ERBB4: variants seen among roughly 807,000 people sequenced by gnomAD.
ERBB4 encodes erb-b2 receptor tyrosine kinase 4, also known as receptor tyrosine-protein kinase erbB-4.
ERBB4 carries 42 observed loss-of-function variants against 158.0 expected under a neutral mutation model. The observed-to-expected ratio is 0.27, with a 90% CI of 0.21 to 0.34. ERBB4 has a LOEUF of 0.34. Ranked by LOEUF, ERBB4 falls within the 10% of genes least tolerant of loss-of-function variation. The pLI is 1.00. For synonymous variants in ERBB4, 583 were observed against 558.7 expected, an observed-to-expected ratio of 1.04 and a Z score of -0.61; for missense variants, 1,333 against 1,624.1, an observed-to-expected ratio of 0.82 and a Z score of 3.08.
intron 7 of ERBB4, among the ~76,000 whole-genome samples, chr2:211,715,814 C>T (rs1001018098): frequency 1.3e-5 from 2 of 152,176 alleles, no homozygotes; most frequent in African/African-American, 4.8e-5. Flanking sequence ...CATGAGCCAA[C>T]TGTACCTCTT....
chr2:211,763,609 G>A (rs569442535), intron 4 of ERBB4, among the ~76,000 whole-genome samples: 1 of 152,106 alleles, frequency 6.6e-6, no homozygotes, highest in East Asian at 1.9e-4. Context: ...AATTATGGCT[G>A]GGGCCATTAA....
intron 1 of ERBB4, among the ~76,000 whole-genome samples, chr2:212,256,325 G>A (rs1224235433): frequency 6.6e-6 from 1 of 151,636 alleles, no homozygotes; most frequent in African/African-American, 2.4e-5. Context: ...ATTATTTTTG[G>A]TTTGATGAGT....
chr2:212,411,789 A>T (rs1216538166), intron 1 of ERBB4, among the ~76,000 whole-genome samples: 2 of 152,142 alleles, frequency 1.3e-5, no homozygotes, highest in Admixed American at 1.3e-4. Context: ...GGGTGAATGC[A>T]GCAGTCTTAC....
chr2:212,065,663 T>C (rs1385441640), intron 2 of ERBB4, among the ~76,000 whole-genome samples: 3 of 152,144 alleles, frequency 2.0e-5, no homozygotes, highest in Non-Finnish European at 2.9e-5. Context: ...AAGTGGAAAC[T>C]GTGTGAAAAT....
At chr2:211,746,544 T>C (rs963092888) in intron 5 of ERBB4, among the ~76,000 whole-genome samples, 3 of 152,064 alleles carry the variant, frequency 2.0e-5, no homozygotes, top group Non-Finnish European at 4.4e-5. Context: ...AAAACTCCAT[T>C]CAGGCTGGGT....
intron 12 of ERBB4, among the ~76,000 whole-genome samples, chr2:211,687,066 T>A (rs2072585987): frequency 6.6e-6 from 1 of 150,730 alleles, no homozygotes; most frequent in African/African-American, 2.4e-5. Flanking sequence ...GAGGCCAAGG[T>A]GGGTGGATCA....
intron 21 of ERBB4, among the ~76,000 whole-genome samples, chr2:211,430,558 G>C (rs1455743480): frequency 2.0e-5 from 3 of 152,096 alleles, no homozygotes; most frequent in Non-Finnish European, 4.4e-5. Flanking sequence ...TTCTCTATAA[G>C]AGTTAGTGCT....
chr2:211,986,384 A>G (rs1298251456), intron 2 of ERBB4, among the ~76,000 whole-genome samples: 1 of 152,208 alleles, frequency 6.6e-6, no homozygotes, highest in African/African-American at 2.4e-5. Context: ...GAGAGGATAA[A>G]TGATTTACTC....
chr2:212,482,391 T>C (rs1689749165), intron 1 of ERBB4, among the ~76,000 whole-genome samples: 1 of 152,348 alleles, frequency 6.6e-6, no homozygotes, highest in Admixed American at 6.5e-5. Flanking sequence ...CAATCAGCCA[T>C]AACTTCCACA....
chr2:211,911,657 A>G (rs1575362306), intron 3 of ERBB4, among the ~76,000 whole-genome samples: 1 of 152,312 alleles, frequency 6.6e-6, no homozygotes, highest in East Asian at 1.9e-4. Context: ...TGTAAAATCA[A>G]CATAAGAAAT....
At chr2:211,652,109 G>A (rs748073667) in intron 16 of ERBB4, among the ~76,000 whole-genome samples, 2 of 152,088 alleles carry the variant, frequency 1.3e-5, no homozygotes, top group South Asian at 2.1e-4. Context: ...ACTTTGTGAC[G>A]CTAAATACTT....
At chr2:212,027,525 T>C (rs12478950) in intron 2 of ERBB4, among the ~76,000 whole-genome samples, 9,532 of 152,178 alleles carry the variant, frequency 0.063, 316 homozygotes, top group South Asian at 0.11. Context: ...TTGATCAATT[T>C]TGTAAATCAA....
Position 212,084,362 on chromosome 2 carries a change from G to A in ERBB4, c.234+40390C>T, listed in dbSNP as rs140829335. Among the ~76,000 whole-genome samples, 140 of 152,024 alleles carry A rather than the reference G, an allele frequency of 9.2e-4. 4 individuals carry two copies. The South Asian group carries it at 0.027, about 30-fold the overall frequency. On this transcript the variant is annotated intron_variant, in intron 2 of 27. Transcript: ENST00000342788. ...CAGACAGCCATGAGCAAGCTATAAC[G>A]CGCAACACCTAGTTATACGCTGAAA...
chr2:211,939,002 T>C (rs930516807), intron 3 of ERBB4, among the ~76,000 whole-genome samples: 1 of 152,210 alleles, frequency 6.6e-6, no homozygotes, highest in Non-Finnish European at 1.5e-5. Flanking sequence ...GAGTAATAGA[T>C]TTTTAAAAAA....
At chr2:212,002,685 A>G (rs1302655783) in intron 2 of ERBB4, among the ~76,000 whole-genome samples, 3 of 152,190 alleles carry the variant, frequency 2.0e-5, no homozygotes, top group Non-Finnish European at 4.4e-5. Context: ...AATAATATTG[A>G]GGAGAGTCAA....
intron 12 of ERBB4, among the ~76,000 whole-genome samples, chr2:211,688,822 A>G (rs2072680373): frequency 6.6e-6 from 1 of 152,198 alleles, no homozygotes; most frequent in Non-Finnish European, 1.5e-5. Flanking sequence ...GAATTTTTAA[A>G]GATAATCTGA....
intron 19 of ERBB4, among the ~76,000 whole-genome samples, chr2:211,566,201 C>G (rs954436724): frequency 6.6e-6 from 1 of 152,160 alleles, no homozygotes; most frequent in African/African-American, 2.4e-5. Flanking sequence ...GGAAAGATCA[C>G]TGTAGAAACC....
intron 3 of ERBB4, among the ~76,000 whole-genome samples, chr2:211,793,872 T>A: frequency 6.6e-6 from 1 of 152,018 alleles, no homozygotes; most frequent in East Asian, 1.9e-4. Context: ...TCATTCATCA[T>A]CAATCAAGCT....
intron 1 of ERBB4, among the ~76,000 whole-genome samples, chr2:212,419,319 A>T (rs1176163407): frequency 6.6e-6 from 1 of 151,960 alleles, no homozygotes; most frequent in Non-Finnish European, 1.5e-5. Flanking sequence ...AGTTGCCTGC[A>T]TTTGAAAGTA....
Sources: gnomAD v4.1 joint callset for allele counts (sites outside exome capture counted in the v4.1 genomes callset) on GRCh38, gnomAD v4.1.1 for gene constraint, MANE v1.5 for transcripts, NCBI Gene and HGNC (gene_info 2026-07-23, HGNC 2026-07-21) for gene names.